FAM107B: variants seen among roughly 807,000 people sequenced by gnomAD.
FAM107B encodes the protein protein FAM107B.
FAM107B carries 21 observed loss-of-function variants against 31.5 expected under a neutral mutation model. That is an observed-to-expected ratio of 0.67 (90% CI 0.47 to 0.96). FAM107B has a LOEUF of 0.96. Ranked by LOEUF, FAM107B falls within the 40% of genes least tolerant of loss-of-function variation. The probability of loss-of-function intolerance (pLI) is 0.00; values close to 1 mark genes in which losing one functional copy is unlikely to be tolerated. For synonymous variants in FAM107B, 157 were observed against 141.5 expected, an observed-to-expected ratio of 1.11 and a Z score of -0.78; for missense variants, 452 against 377.1, an observed-to-expected ratio of 1.20 and a Z score of -1.64.
intron 1 of FAM107B, among the ~76,000 whole-genome samples, chr10:14,710,385 T>C (rs577619655): frequency 6.6e-6 from 1 of 151,794 alleles, no homozygotes; most frequent in East Asian, 1.9e-4. Flanking sequence ...TACTCCAGCA[T>C]GGGATAAAAA....
chr10:14,759,729 T>TA (rs970834606), intron 1 of FAM107B, among the ~76,000 whole-genome samples: 2 of 152,116 alleles, frequency 1.3e-5, no homozygotes, highest in African/African-American at 4.8e-5. Flanking sequence ...TCTTTTTTTT[T>TA]AGATGGAGTC....
intron 2 of FAM107B, among the ~76,000 whole-genome samples, chr10:14,613,820 T>C (rs533418933): frequency 6.6e-6 from 1 of 152,220 alleles, no homozygotes; most frequent in Non-Finnish European, 1.5e-5. Context: ...GCTGGACGAC[T>C]GGCTTTTCTT....
At chr10:14,626,914 T>C (rs1853180965) in intron 2 of FAM107B, among the ~76,000 whole-genome samples, 1 of 152,178 alleles carries the variant, frequency 6.6e-6, no homozygotes, top group African/African-American at 2.4e-5. Context: ...ACCTGATCTG[T>C]TTGTACCTCT....
At chr10:14,631,410 C>T (rs1397946296) in intron 2 of FAM107B, among the ~76,000 whole-genome samples, 1 of 152,158 alleles carries the variant, frequency 6.6e-6, no homozygotes, top group Non-Finnish European at 1.5e-5. Flanking sequence ...TCTGTTTAAA[C>T]AGAAGAGATG....
intron 2 of FAM107B, among the ~76,000 whole-genome samples, chr10:14,535,978 C>A (rs1260442220): frequency 1.3e-5 from 2 of 152,236 alleles, no homozygotes; most frequent in African/African-American, 4.8e-5. Flanking sequence ...ATCCCAGGTA[C>A]TTCTGTTGAC....
At chr10:14,637,240 A>G (rs1853523392) in intron 2 of FAM107B, among the ~76,000 whole-genome samples, 1 of 151,978 alleles carries the variant, frequency 6.6e-6, no homozygotes, top group African/African-American at 2.4e-5. Context: ...TGGCAGTCTG[A>G]TTTTTGGGGT....
In FAM107B at chr10:14,673,335, C is replaced by G. The variant is rs562581753; in HGVS notation, c.412-5644G>C. Among the ~76,000 whole-genome samples the G allele has an allele frequency of 1.7e-4, 26 of 152,300 alleles. 1 individual carries two copies. The highest frequency in any genetic ancestry group is 1.6e-3 in the Admixed American group (25 of 15,290). ...CTGGTAACCACTGTTCTCCTCTCCACTTCCATGATACCAACTTTTTCAGCT... is the reference window on the plus strand; with the variant it reads ...CTGGTAACCACTGTTCTCCTCTCCAGTTCCATGATACCAACTTTTTCAGCT... On this transcript the variant is annotated intron_variant, in intron 1 of 4. Transcript: ENST00000181796.
At chr10:14,762,923 T>G (rs1251735355) in intron 1 of FAM107B, among the ~76,000 whole-genome samples, 1 of 152,196 alleles carries the variant, frequency 6.6e-6, no homozygotes, top group East Asian at 1.9e-4. Context: ...ATTCGAGTAC[T>G]GTTGTATTCC....
At chr10:14,612,683 C>T (rs1454077879) in intron 2 of FAM107B, 5 of 152,106 alleles carry the variant, frequency 3.3e-5, no homozygotes, top group Admixed American at 2.6e-4. Context: ...TAAAGAAATA[C>T]AAAGATATGA....
chr10:14,572,083 A>T, intron 2 of FAM107B: 1 of 985,458 alleles, frequency 1.0e-6, no homozygotes, highest in Middle Eastern at 5.2e-4. Flanking sequence ...CTGGATATCA[A>T]AAGAGCCACA....
intron 2 of FAM107B, among the ~76,000 whole-genome samples, chr10:14,636,803 C>T (rs1277794803): frequency 1.3e-5 from 2 of 152,146 alleles, no homozygotes. Flanking sequence ...GCCTTGAACT[C>T]CAAGTCATTA....
intron 2 of FAM107B, among the ~76,000 whole-genome samples, chr10:14,557,501 C>G (rs1476319380): frequency 6.6e-6 from 1 of 152,176 alleles, no homozygotes; most frequent in African/African-American, 2.4e-5. Flanking sequence ...AGTACCCAAC[C>G]AGGTTGGGTC....
intron 1 of FAM107B, among the ~76,000 whole-genome samples, chr10:14,767,004 A>ACAATATCCCTGAT (rs1833175817): frequency 8.2e-6 from 1 of 121,522 alleles, no homozygotes; most frequent in African/African-American, 2.8e-5. Context: ...AAACTGCAGA[A>ACAATATCCCTGAT]CAATATCCCT....
rs867341057 is a variant in FAM107B, at chr10:14,629,350, T to C, written c.469+38284A>G. On this transcript the variant is annotated intron_variant, in intron 2 of 4. Coordinates refer to ENST00000181796, the MANE Select transcript of FAM107B (RefSeq NM_031453.4). Reference sequence around the variant, plus strand: ...ATTATATAAATATATGTAATTTATATATATAATATATATTATATATTTAAT... The same window carrying C: ...ATTATATAAATATATGTAATTTATACATATAATATATATTATATATTTAAT... Among the ~76,000 whole-genome samples the C allele has an allele frequency of 6.9e-3, 711 of 102,844 alleles. 38 individuals are homozygous for C. The highest frequency in any genetic ancestry group is 0.026 in the African/African-American group (656 of 25,336). 67.5% of individuals were successfully genotyped at this position (102,844 alleles called of 152,430 possible). A position where few individuals can be genotyped will look rare whatever the true frequency, so the allele number is the denominator to read the frequency against.
intron 2 of FAM107B, among the ~76,000 whole-genome samples, chr10:14,665,303 C>A (rs917206972): frequency 3.3e-5 from 5 of 152,166 alleles, no homozygotes; most frequent in Non-Finnish European, 7.3e-5. Flanking sequence ...TCTAGTAACA[C>A]ATACTGAGGG....
chr10:14,591,741 A>G (rs536997833), intron 2 of FAM107B, among the ~76,000 whole-genome samples: 4 of 152,220 alleles, frequency 2.6e-5, no homozygotes, highest in African/African-American at 9.6e-5. Context: ...AGCTGAGGCA[A>G]CGTTAAGCCA....
chr10:14,570,737 G>T (rs1221113738), intron 2 of FAM107B, among the ~76,000 whole-genome samples: 3 of 148,828 alleles, frequency 2.0e-5, no homozygotes, highest in Admixed American at 1.3e-4. Context: ...GGGAGGCAGA[G>T]GTTGCAGTGG....
chr10:14,770,434 A>C (rs893372552), intron 1 of FAM107B, among the ~76,000 whole-genome samples: 2 of 152,104 alleles, frequency 1.3e-5, no homozygotes, highest in African/African-American at 4.8e-5. Flanking sequence ...GAGGCAGGAG[A>C]ATTACTTGAA....
intron 2 of FAM107B, among the ~76,000 whole-genome samples, chr10:14,625,280 A>G (rs995044180): frequency 9.5e-5 from 13 of 136,554 alleles, no homozygotes; most frequent in South Asian, 7.1e-4. Flanking sequence ...GTGTGTGTGT[A>G]TGTGTGTGTA....
Sources: allele counts gnomAD v4.1 joint callset (sites outside exome capture counted in the v4.1 genomes callset), GRCh38; gene constraint gnomAD v4.1.1; transcripts MANE v1.5; gene names NCBI Gene and HGNC (gene_info 2026-07-23, HGNC 2026-07-21).